Variants in GTF2H2 observed in about 807,000 individuals in gnomAD.
GTF2H2 encodes the protein general transcription factor IIH subunit 2.
GTF2H2 carries 2 observed loss-of-function variants against 16.5 expected under a neutral mutation model. The observed-to-expected ratio is 0.12, with a 90% CI of 0.05 to 0.38. The LOEUF is 0.38. Ranked by LOEUF, GTF2H2 falls within the 10% of genes least tolerant of loss-of-function variation. GTF2H2 has a pLI of 0.99. For synonymous variants in GTF2H2, 8 were observed against 44.1 expected (o/e 0.18, Z 3.24); for missense variants, 20 against 137.0 (o/e 0.15, Z 4.26).
In GTF2H2 at chr5:71,048,128, AGGG is replaced by A; in HGVS notation, c.650-18_650-16del. 1 of 565,766 alleles carries A rather than the reference AGGG, an allele frequency of 1.8e-6. No homozygotes were observed. The highest frequency in any genetic ancestry group is 3.1e-5 in the African/African-American group (1 of 32,026). The allele number at this position is 565,766 out of a possible 1,614,324, so 35.0% of individuals were successfully genotyped here. ...ATGGTACGTGCCTAACAAGATGAAA[AGGG>A]AAAAAAAAACACCTTCATAGACATA... On this transcript the variant is annotated splice_polypyrimidine_tract_variant and intron_variant, in intron 10 of 15. Transcript: ENST00000274400.
Position 71,061,364 on chromosome 5 carries a change from A to C in GTF2H2, c.135-56T>G, listed in dbSNP as rs552347709. 1.8e-5 allele frequency: 25 copies of C among 1,404,442 alleles called. No homozygotes were observed. The South Asian group carries it at 2.0e-4, about 11-fold the overall frequency. The allele number at this position is 1,404,442 out of a possible 1,614,324, so 87.0% of individuals were successfully genotyped here. On this transcript the variant is annotated intron_variant, in intron 3 of 15. Coordinates refer to ENST00000274400, the Ensembl canonical transcript of GTF2H2. ...ATTCCATATACTATCCCCCCCCACA[A>C]AAAAAATACAACTTTCCAATTGACC... is the stretch of plus-strand genomic sequence containing the variant.
chr5:71,036,265 C>G (rs1751742635), intron 15 of GTF2H2, among the ~76,000 whole-genome samples: 1 of 84,022 alleles, frequency 1.2e-5, no homozygotes, highest in African/African-American at 4.1e-5. Flanking sequence ...ACAGATAAGA[C>G]AAGCAGAAAG....
At chr5:71,039,438 A>C (rs1201676241) in intron 14 of GTF2H2, among the ~76,000 whole-genome samples, 1 of 117,042 alleles carries the variant, frequency 8.5e-6, no homozygotes, top group Non-Finnish European at 1.8e-5. Context: ...CCCAAAGTGC[A>C]AGGATTAGAG....
At chr5:71,054,716 T>TAC (rs1753053365) in intron 8 of GTF2H2, among the ~76,000 whole-genome samples, 1 of 124,348 alleles carries the variant, frequency 8.0e-6, no homozygotes, top group Non-Finnish European at 1.7e-5. Context: ...TATATACGTG[T>TAC]GTGTGTGTGT....
intron 2 of GTF2H2, 54 bp downstream of exon 2, chr5:71,062,654 G>GA: frequency 0.011 from 6 of 544 alleles, no homozygotes; most frequent in Non-Finnish European, 0.012. Context: ...AAGTTGTAAA[G>GA]AAAAAAAAAG....
Position 71,054,312 on chromosome 5 carries a change from G to T in GTF2H2, c.470+1040C>A, listed in dbSNP as rs1200151914. Among the ~76,000 whole-genome samples, 10 of 145,856 alleles carry T rather than the reference G, an allele frequency of 6.9e-5. 2 individuals carry two copies. The highest frequency in any genetic ancestry group is 2.6e-4 in the African/African-American group (10 of 38,106). On this transcript the variant is annotated intron_variant, in intron 8 of 15. Transcript: ENST00000274400. Reference sequence around the variant, plus strand: ...CATTGTTATCTTCTCAGCTCTCACTGGTAGACCCTGCTACTGTACTTACCT... The same window carrying T: ...CATTGTTATCTTCTCAGCTCTCACTTGTAGACCCTGCTACTGTACTTACCT...
chr5:71,051,165 T>C (rs1752681416), intron 8 of GTF2H2, among the ~76,000 whole-genome samples: 1 of 131,868 alleles, frequency 7.6e-6, no homozygotes, highest in African/African-American at 2.9e-5. Context: ...TATTTTGACC[T>C]CTTTCTATGA....
chr5:71,036,241 A>T (rs1751739580), intron 15 of GTF2H2, among the ~76,000 whole-genome samples: 1 of 79,714 alleles, frequency 1.3e-5, no homozygotes, highest in Non-Finnish European at 2.6e-5. Flanking sequence ...CTTTAAAAAA[A>T]TATGTCAAAT....
intron 8 of GTF2H2, among the ~76,000 whole-genome samples, chr5:71,054,212 CCTACA>C (rs1752999102): frequency 6.9e-6 from 1 of 145,632 alleles, no homozygotes; most frequent in East Asian, 2.0e-4. Flanking sequence ...CCAGTTTTCA[CCTACA>C]CTAAATAGAC....
chr5:71,058,478 G>A lies in GTF2H2; in HGVS notation c.364+1212C>T, dbSNP rs1340243912. On this transcript the variant is annotated intron_variant, in intron 7 of 15. Transcript: ENST00000274400. The stretch of plus-strand genomic sequence containing the variant: ...AGGCCAATCAGAGTTCTCCCTAGAC[G>A]TGTGCTGAAGCTATAGGCTACGGGT... 16 of 142,154 alleles carry A rather than the reference G, an allele frequency of 1.1e-4. 1 individual carries two copies. The East Asian group carries it at 2.4e-3, about 21-fold the overall frequency. 8.8% of individuals were successfully genotyped at this position (142,154 alleles called of 1,614,324 possible).
intron 8 of GTF2H2, chr5:71,054,945 C>A (rs1753087675): frequency 1.4e-5 from 2 of 144,506 alleles, no homozygotes; most frequent in African/African-American, 5.5e-5. Context: ...CTTGCCATAT[C>A]TATTAATTTA....
exon 16 of GTF2H2, chr5:71,035,350 TAAAG>T (rs1212314121): frequency 2.8e-5 from 1 of 35,932 alleles, no homozygotes; most frequent in Non-Finnish European, 5.6e-5. Context: ...ACATAAATCA[TAAAG>T]ATTCTATATT....
At chr5:71,051,835 A>G (rs1433828371) in intron 8 of GTF2H2, among the ~76,000 whole-genome samples, 1 of 130,938 alleles carries the variant, frequency 7.6e-6, no homozygotes, top group Non-Finnish European at 1.6e-5. Context: ...GCTTGAGCCC[A>G]GGAGTTCAAG....
At chr5:71,039,691 C>T (rs372153779) in intron 14 of GTF2H2, among the ~76,000 whole-genome samples, 2,729 of 138,728 alleles carry the variant, frequency 0.02, 15 homozygotes, top group Admixed American at 0.087. Flanking sequence ...ATTTCTTCAA[C>T]TCTATCTTCT....
Position 71,054,712 on chromosome 5 carries a change from CGTGTGT to C in GTF2H2, c.470+634_470+639del, listed in dbSNP as rs750011504. On this transcript the variant is annotated intron_variant, in intron 8 of 15. Coordinates refer to ENST00000274400, the Ensembl canonical transcript of GTF2H2. ...TGTCTCGAAAAAAAATATATATATACGTGTGTGTGTGTGTGTGTGTGTGTGTGTGTG... is the reference window on the plus strand; with the variant it reads ...TGTCTCGAAAAAAAATATATATATACGTGTGTGTGTGTGTGTGTGTGTGTG... Among the ~76,000 whole-genome samples, 395 of 105,288 alleles carry C rather than the reference CGTGTGT, an allele frequency of 3.8e-3. 27 individuals are homozygous for C. Among genetic ancestry groups the C allele is most frequent in the African/African-American group, 0.014 (365 of 25,582 alleles). The allele number at this position is 105,288 out of a possible 152,430, so 69.1% of individuals were successfully genotyped here. A position where few individuals can be genotyped will look rare whatever the true frequency, so the allele number is the denominator to read the frequency against.
intron 1 of GTF2H2, among the ~76,000 whole-genome samples, chr5:71,063,678 G>C: frequency 7.3e-6 from 1 of 136,650 alleles, no homozygotes; most frequent in African/African-American, 2.9e-5. Context: ...TGGTGGACTG[G>C]ATAAAGAAAA....
Position 71,047,985 on chromosome 5 carries a change from TA to T in GTF2H2, c.757+20del. 2.4e-6 allele frequency: 2 copies of T among 823,392 alleles called. No homozygotes were observed. The highest frequency in any genetic ancestry group is 3.3e-6 in the Non-Finnish European group (2 of 615,112). 51.0% of individuals were successfully genotyped at this position (823,392 alleles called of 1,614,324 possible). A position where few individuals can be genotyped will look rare whatever the true frequency, so the allele number is the denominator to read the frequency against. On this transcript the variant is annotated intron_variant, in intron 11 of 15. Coordinates refer to ENST00000274400, the Ensembl canonical transcript of GTF2H2. ...ATGGAGAGCCTAGATATGTATTTTT[TA>T]AAAACATAAAAACACTTACCCATAC...
Position 71,058,381 on chromosome 5 carries a change from G to C in GTF2H2, c.364+1309C>G, listed in dbSNP as rs1266332514. 2.8e-3 allele frequency: 357 copies of C among 127,256 alleles called. 2 individuals are homozygous for C. Among genetic ancestry groups the C allele is most frequent in the African/African-American group, 0.011 (346 of 32,792 alleles). The allele number at this position is 127,256 out of a possible 1,614,324, so 7.9% of individuals were successfully genotyped here. A position where few individuals can be genotyped will look rare whatever the true frequency, so the allele number is the denominator to read the frequency against. On this transcript the variant is annotated intron_variant, in intron 7 of 15. Transcript: ENST00000274400. ...TTCTATCCTGCTCTGGGCATCAGCA[G>C]GCAATCGAAGCGTACAAACAAAATA...
At chr5:71,057,616 T>G (rs1164827660) in intron 7 of GTF2H2, among the ~76,000 whole-genome samples, 1 of 78,482 alleles carries the variant, frequency 1.3e-5, no homozygotes, top group Non-Finnish European at 2.6e-5. Flanking sequence ...CCTCACTTCA[T>G]AAGTGAGAAA....
Sources: gnomAD v4.1 joint callset for allele counts (sites outside exome capture counted in the v4.1 genomes callset) on GRCh38, gnomAD v4.1.1 for gene constraint, MANE v1.5 for transcripts, NCBI Gene and HGNC (gene_info 2026-07-23, HGNC 2026-07-21) for gene names.